The following DZIP3 variants were observed in gnomAD, a reference collection of about 807,000 sequenced individuals.
DZIP3 encodes the protein DAZ interacting zinc finger protein 3, also known as E3 ubiquitin-protein ligase DZIP3.
Under a neutral mutation model 162.0 loss-of-function variants are expected in DZIP3, and 118 were observed. The observed-to-expected ratio is 0.73, with a 90% CI of 0.63 to 0.85. The LOEUF is 0.85. Among genes scored for constraint, DZIP3 ranks in the 40% least tolerant of loss-of-function variants. The pLI is 0.00. For synonymous variants in DZIP3, 438 were observed against 458.6 expected (o/e 0.96, Z 0.57); for missense variants, 1,331 against 1,407.0 (o/e 0.95, Z 0.86).
At chr3:108,685,759 A>G (rs932727336) in intron 27 of DZIP3, among the ~76,000 whole-genome samples, 1 of 152,202 alleles carries the variant, frequency 6.6e-6, no homozygotes, top group African/African-American at 2.4e-5. Context: ...ATATATGCTA[A>G]TCACAAAATG....
chr3:108,660,316 G>C (rs1218942232), intron 19 of DZIP3, among the ~76,000 whole-genome samples: 2 of 152,124 alleles, frequency 1.3e-5, no homozygotes, highest in Non-Finnish European at 1.5e-5. Context: ...ACAGAACGGA[G>C]CCCTCAGAAA....
intron 10 of DZIP3, among the ~76,000 whole-genome samples, chr3:108,636,131 A>G (rs1276519450): frequency 6.6e-6 from 1 of 152,022 alleles, no homozygotes; most frequent in Non-Finnish European, 1.5e-5. Flanking sequence ...TAAGTGGTAT[A>G]TACTTTACAA....
intron 3 of DZIP3, among the ~76,000 whole-genome samples, chr3:108,610,927 T>A (rs2290443): frequency 6.6e-6 from 1 of 152,228 alleles, no homozygotes; most frequent in Admixed American, 6.5e-5. Flanking sequence ...GCATCAGTCA[T>A]ATAATGTAAA....
chr3:108,637,467 G>A lies in DZIP3; in HGVS notation c.1012-29G>A, dbSNP rs1559747485. ...ACATTTTGAAAATTGAACTACTTTA[G>A]GGCTATTTTTTTTCCCCATTACTTG... On this transcript the variant is annotated intron_variant, in intron 11 of 32. Coordinates refer to ENST00000361582, the MANE Select transcript of DZIP3 (RefSeq NM_014648.4). 5 of 1,604,158 alleles carry A rather than the reference G, an allele frequency of 3.1e-6. No homozygotes were observed. In the African/African-American group the frequency reaches 5.4e-5, roughly 17 times the overall value.
At chr3:108,643,418 A>T (rs988310350) in intron 13 of DZIP3, among the ~76,000 whole-genome samples, 1 of 152,042 alleles carries the variant, frequency 6.6e-6, no homozygotes, top group East Asian at 1.9e-4. Flanking sequence ...CTCAAGCATT[A>T]TACATATATT....
chr3:108,683,835 C>G (rs1944406241), intron 26 of DZIP3, among the ~76,000 whole-genome samples: 1 of 152,142 alleles, frequency 6.6e-6, no homozygotes, highest in African/African-American at 2.4e-5. Context: ...GATAACACTT[C>G]CTGAGAATCT....
At chr3:108,600,770 A>G (rs1939962649) in intron 1 of DZIP3, among the ~76,000 whole-genome samples, 1 of 152,076 alleles carries the variant, frequency 6.6e-6, no homozygotes, top group African/African-American at 2.4e-5. Flanking sequence ...AATCTTTACA[A>G]CCCTATGAAG....
intron 26 of DZIP3, among the ~76,000 whole-genome samples, chr3:108,679,851 T>G (rs889960280): frequency 1.3e-5 from 2 of 152,134 alleles, no homozygotes; most frequent in Admixed American, 1.3e-4. Context: ...TAGTAGAGAC[T>G]TCTATGAAAG....
intron 20 of DZIP3, 29 bp downstream of exon 20, chr3:108,662,001 G>C: frequency 6.2e-7 from 1 of 1,601,216 alleles, no homozygotes. Context: ...AGATCTGATG[G>C]AAGTGAGAAG....
intron 1 of DZIP3, among the ~76,000 whole-genome samples, chr3:108,601,521 T>G (rs1029147472): frequency 2.0e-5 from 3 of 152,228 alleles, no homozygotes; most frequent in African/African-American, 7.2e-5. Flanking sequence ...AGTATGAGCT[T>G]TATTTTTATT....
rs146441770 is a variant in DZIP3, at chr3:108,684,172, T to TGGG, written c.2884-37_2884-35dup. Reference sequence around the variant, plus strand: ...TTGCCTAAATAAATATATAAATATGTGGGGGGGGGTGTTGTTTATTATTGT... The same window carrying TGGG: ...TTGCCTAAATAAATATATAAATATGTGGGGGGGGGGGGTGTTGTTTATTATTGT... On this transcript the variant is annotated intron_variant, in intron 26 of 32. Coordinates refer to ENST00000361582, the MANE Select transcript of DZIP3 (RefSeq NM_014648.4). 4.9e-5 allele frequency: 73 copies of TGGG among 1,480,000 alleles called. No individual in the cohort carries two copies. In the African/African-American group the frequency reaches 6.7e-4, roughly 14 times the overall value. The allele number at this position is 1,480,000 out of a possible 1,614,324, so 91.7% of individuals were successfully genotyped here.
chr3:108,595,345 G>A (rs1288192467), intron 1 of DZIP3, among the ~76,000 whole-genome samples: 1 of 152,090 alleles, frequency 6.6e-6, no homozygotes, highest in African/African-American at 2.4e-5. Flanking sequence ...TAGCCTCTGA[G>A]TAGCTGGGAC....
chr3:108,690,929 TCA>T (rs1391115878), intron 32 of DZIP3, 26 bp downstream of exon 32: 1 of 1,599,144 alleles, frequency 6.3e-7, no homozygotes, highest in Non-Finnish European at 8.6e-7. Context: ...CAAAGGAAGC[TCA>T]GTTTTCTTTT....
intron 19 of DZIP3, among the ~76,000 whole-genome samples, chr3:108,660,565 G>T (rs544595045): frequency 6.6e-6 from 1 of 152,066 alleles, no homozygotes; most frequent in East Asian, 1.9e-4. Flanking sequence ...TACCATTCAG[G>T]ACATAGGCAT....
At chr3:108,669,883 T>A in intron 22 of DZIP3, 134 bp downstream of exon 22, 1 of 651,474 alleles carries the variant, frequency 1.5e-6, no homozygotes. Flanking sequence ...ACAGTACTAA[T>A]AATACACTGG....
chr3:108,624,582 C>A, intron 6 of DZIP3, 58 bp downstream of exon 6: 4 of 924,676 alleles, frequency 4.3e-6, no homozygotes, highest in Non-Finnish European at 6.5e-6. Context: ...ATAATCAGGC[C>A]AAAGATTATA....
At chr3:108,619,481 C>T (rs1000871792) in intron 5 of DZIP3, among the ~76,000 whole-genome samples, 1 of 152,044 alleles carries the variant, frequency 6.6e-6, no homozygotes, top group Non-Finnish European at 1.5e-5. Flanking sequence ...TCTGGAGACC[C>T]AGGAACGCTT....
chr3:108,641,193 T>G (rs1404955577), intron 12 of DZIP3, among the ~76,000 whole-genome samples: 5 of 152,120 alleles, frequency 3.3e-5, no homozygotes, highest in African/African-American at 1.2e-4. Context: ...AATAATAGAT[T>G]TCCATTTCTT....
chr3:108,654,483 A>G (rs989256983), intron 19 of DZIP3, 173 bp downstream of exon 19: 1 of 656,338 alleles, frequency 1.5e-6, no homozygotes, highest in African/African-American at 1.8e-5. Flanking sequence ...GAATAAGGAA[A>G]AAAAAGAACG....
Sources: gnomAD v4.1 joint callset for allele counts (sites outside exome capture counted in the v4.1 genomes callset) on GRCh38, gnomAD v4.1.1 for gene constraint, MANE v1.5 for transcripts, NCBI Gene and HGNC (gene_info 2026-07-23, HGNC 2026-07-21) for gene names.